Variants in MACROD2 observed in about 807,000 individuals in gnomAD.
The protein encoded by MACROD2 is mono-ADP ribosylhydrolase 2, also known as ADP-ribose glycohydrolase MACROD2.
A neutral mutation model predicts 70.4 loss-of-function variants in MACROD2; 36 were observed. That is an observed-to-expected ratio of 0.51 (90% confidence interval 0.39 to 0.68). The LOEUF is 0.68. Ranked by LOEUF, MACROD2 falls within the 30% of genes least tolerant of loss-of-function variation. MACROD2 has a pLI of 0.00. For missense variants in MACROD2, 496 were observed against 538.4 expected, an observed-to-expected ratio of 0.92 and a Z score of 0.78; for synonymous variants, 172 against 178.8, an observed-to-expected ratio of 0.96 and a Z score of 0.30.
At chr20:14,804,706 C>G (rs1175417522) in intron 5 of MACROD2, among the ~76,000 whole-genome samples, 1 of 151,946 alleles carries the variant, frequency 6.6e-6, no homozygotes, top group African/African-American at 2.4e-5. Flanking sequence ...CTGATGACCT[C>G]CATGGAAACT....
chr20:15,283,093 A>C (rs2077459943), intron 6 of MACROD2, among the ~76,000 whole-genome samples: 1 of 152,154 alleles, frequency 6.6e-6, no homozygotes, highest in Non-Finnish European at 1.5e-5. Flanking sequence ...TCACTATCAC[A>C]AGAACAGAAT....
chr20:15,480,679 A>G (rs541040517), intron 7 of MACROD2, among the ~76,000 whole-genome samples: 9 of 152,030 alleles, frequency 5.9e-5, no homozygotes, highest in Non-Finnish European at 1.2e-4. Flanking sequence ...ATTGGGAGAA[A>G]GTGATTCGTG....
intron 5 of MACROD2, among the ~76,000 whole-genome samples, chr20:15,113,800 G>GTGTGTGTGTGTGTGTGTGTGT (rs1568580676): frequency 6.7e-6 from 1 of 148,184 alleles, no homozygotes; most frequent in African/African-American, 2.5e-5. Context: ...GTGTGTGTGT[G>GTGTGTGTGTGTGTGTGTGTGT]CTGGAGGGGT....
intron 5 of MACROD2, among the ~76,000 whole-genome samples, chr20:14,865,965 C>T (rs2073423620): frequency 6.6e-6 from 1 of 152,086 alleles, no homozygotes; most frequent in African/African-American, 2.4e-5. Context: ...TTGAAAGTTC[C>T]ACCTCTGTTA....
intron 8 of MACROD2, among the ~76,000 whole-genome samples, chr20:15,635,065 T>C (rs1600695688): frequency 6.6e-6 from 1 of 152,212 alleles, no homozygotes; most frequent in East Asian, 1.9e-4. Flanking sequence ...CTGTACTAAT[T>C]TGTTCAGAGT....
intron 3 of MACROD2, among the ~76,000 whole-genome samples, chr20:14,399,740 A>C (rs893109659): frequency 2.6e-5 from 4 of 152,206 alleles, no homozygotes; most frequent in African/African-American, 9.6e-5. Flanking sequence ...CAGCTCACTG[A>C]TGTTCTGATC....
chr20:14,306,462 A>T (rs148032784), intron 3 of MACROD2, among the ~76,000 whole-genome samples: 1 of 152,144 alleles, frequency 6.6e-6, no homozygotes, highest in Non-Finnish European at 1.5e-5. Context: ...ATGATTATAC[A>T]GTCTGTGGAT....
At chr20:14,345,001 T>A (rs1460641919) in intron 3 of MACROD2, among the ~76,000 whole-genome samples, 2 of 152,134 alleles carry the variant, frequency 1.3e-5, no homozygotes, top group Non-Finnish European at 2.9e-5. Context: ...GCTTATCAGA[T>A]CATATCTTAT....
intron 3 of MACROD2, among the ~76,000 whole-genome samples, chr20:14,204,648 C>T (rs916372463): frequency 1.6e-4 from 25 of 152,184 alleles, no homozygotes; most frequent in African/African-American, 5.8e-4. Flanking sequence ...TAGTGGAAAG[C>T]TCCTTCTGGC....
At chr20:14,243,034 T>G (rs541990848) in intron 3 of MACROD2, among the ~76,000 whole-genome samples, 1 of 152,204 alleles carries the variant, frequency 6.6e-6, no homozygotes, top group African/African-American at 2.4e-5. Context: ...ATACAGTGCA[T>G]TGGCCTTCAC....
intron 7 of MACROD2, among the ~76,000 whole-genome samples, chr20:15,479,980 G>A (rs1192210563): frequency 6.6e-6 from 1 of 152,210 alleles, no homozygotes; most frequent in Non-Finnish European, 1.5e-5. Flanking sequence ...AATAATATAA[G>A]TAAAGTATGA....
At chr20:14,867,633 T>A (rs1173440806) in intron 5 of MACROD2, among the ~76,000 whole-genome samples, 1 of 152,176 alleles carries the variant, frequency 6.6e-6, no homozygotes, top group Non-Finnish European at 1.5e-5. Flanking sequence ...TATTCATTTC[T>A]TGTTACTTCC....
intron 8 of MACROD2, among the ~76,000 whole-genome samples, chr20:15,793,071 TAA>T (rs2063639615): frequency 6.6e-6 from 1 of 152,076 alleles, no homozygotes; most frequent in Non-Finnish European, 1.5e-5. Flanking sequence ...ATTTAAAAAT[TAA>T]AGTGACGATC....
intron 10 of MACROD2, among the ~76,000 whole-genome samples, chr20:15,891,078 A>AC (rs2064883014): frequency 6.6e-6 from 1 of 152,212 alleles, no homozygotes; most frequent in Non-Finnish European, 1.5e-5. Context: ...AATTTCACAT[A>AC]CAAGTGATGT....
chr20:14,856,905 A>T (rs912054444), intron 5 of MACROD2, among the ~76,000 whole-genome samples: 1 of 152,102 alleles, frequency 6.6e-6, no homozygotes, highest in East Asian at 1.9e-4. Context: ...TATTTCCATC[A>T]TCTCATTTTG....
chr20:15,016,824 C>T (rs986070324), intron 5 of MACROD2, among the ~76,000 whole-genome samples: 1 of 152,118 alleles, frequency 6.6e-6, no homozygotes, highest in Non-Finnish European at 1.5e-5. Flanking sequence ...CTGATAAACC[C>T]ATCAGGTCTT....
chr20:14,917,664 G>T (rs1316712129), intron 5 of MACROD2, among the ~76,000 whole-genome samples: 8 of 152,080 alleles, frequency 5.3e-5, no homozygotes, highest in Non-Finnish European at 1.0e-4. Context: ...ATTGAGAATA[G>T]GAAGCTCATC....
chr20:14,857,034 A>G (rs1005722274), intron 5 of MACROD2, among the ~76,000 whole-genome samples: 1 of 152,114 alleles, frequency 6.6e-6, no homozygotes, highest in Non-Finnish European at 1.5e-5. Context: ...TCCAGCATAA[A>G]CAAAGCATAG....
intron 7 of MACROD2, among the ~76,000 whole-genome samples, chr20:15,494,988 C>A (rs908339149): frequency 7.9e-5 from 12 of 152,152 alleles, no homozygotes; most frequent in Admixed American, 7.9e-4. Context: ...ACATGCAACT[C>A]CCTGCATGCC....
Sources: allele counts gnomAD v4.1 joint callset (sites outside exome capture counted in the v4.1 genomes callset), GRCh38; gene constraint gnomAD v4.1.1; transcripts MANE v1.5; gene names NCBI Gene and HGNC (gene_info 2026-07-23, HGNC 2026-07-21).